Variants in MTMR3 observed in about 807,000 individuals in gnomAD.
The protein encoded by MTMR3 is phosphatidylinositol-3,5-bisphosphate 3-phosphatase MTMR3.
MTMR3 carries 32 observed loss-of-function variants against 132.4 expected under a neutral mutation model. The observed-to-expected ratio is 0.24, with a 90% CI of 0.18 to 0.32. MTMR3 has a LOEUF of 0.32. Ranked by LOEUF, MTMR3 falls within the 10% of genes least tolerant of loss-of-function variation. The probability of loss-of-function intolerance (pLI) is 1.00; values close to 1 mark genes in which losing one functional copy is unlikely to be tolerated. For synonymous variants in MTMR3, 556 were observed against 550.3 expected, an observed-to-expected ratio of 1.01 and a Z score of -0.14; for missense variants, 1,216 against 1,489.6, an observed-to-expected ratio of 0.82 and a Z score of 3.02.
intron 1 of MTMR3, among the ~76,000 whole-genome samples, chr22:29,950,743 A>G (rs537793339): frequency 6.6e-6 from 1 of 152,372 alleles, no homozygotes; most frequent in African/African-American, 2.4e-5. Flanking sequence ...CTATAGTAAA[A>G]TAATGCCTAC....
At chr22:29,920,672 C>CTT (rs140243375) in intron 1 of MTMR3, among the ~76,000 whole-genome samples, 9 of 150,794 alleles carry the variant, frequency 6.0e-5, no homozygotes, top group Admixed American at 1.3e-4. Flanking sequence ...ATGGATAAAG[C>CTT]TTTTTTTTTA....
chr22:29,897,945 AT>A (rs2145719880), intron 1 of MTMR3, among the ~76,000 whole-genome samples: 1 of 152,254 alleles, frequency 6.6e-6, no homozygotes, highest in African/African-American at 2.4e-5. Context: ...ACTTTCTATA[AT>A]TTGAAAAATG....
At chr22:29,923,774 C>T (rs888642692) in intron 1 of MTMR3, among the ~76,000 whole-genome samples, 3 of 152,036 alleles carry the variant, frequency 2.0e-5, no homozygotes, top group Admixed American at 6.6e-5. Context: ...ACCTTAATTA[C>T]GTCTTACAGG....
chr22:29,898,969 T>C (rs1209263018), intron 1 of MTMR3, among the ~76,000 whole-genome samples: 2 of 151,980 alleles, frequency 1.3e-5, no homozygotes, highest in African/African-American at 4.8e-5. Flanking sequence ...AGATCTACTT[T>C]ATAAGTGAGT....
At chr22:29,936,051 C>T (rs933982385) in intron 1 of MTMR3, among the ~76,000 whole-genome samples, 3 of 152,096 alleles carry the variant, frequency 2.0e-5, no homozygotes, top group African/African-American at 7.2e-5. Flanking sequence ...TGTGCCCGGC[C>T]TCCATGCCCA....
intron 1 of MTMR3, among the ~76,000 whole-genome samples, chr22:29,890,811 C>A (rs1018502133): frequency 1.3e-5 from 2 of 151,544 alleles, no homozygotes; most frequent in African/African-American, 2.4e-5. Flanking sequence ...GTGGTGTAGA[C>A]CAGTGGTCTT....
At chr22:29,901,169 T>G (rs776896530) in intron 1 of MTMR3, among the ~76,000 whole-genome samples, 3 of 151,988 alleles carry the variant, frequency 2.0e-5, no homozygotes, top group African/African-American at 7.2e-5. Context: ...CTGGAAAAGA[T>G]TGATGTTAAT....
At chr22:29,952,159 A>G (rs1323943830) in intron 1 of MTMR3, among the ~76,000 whole-genome samples, 2 of 152,080 alleles carry the variant, frequency 1.3e-5, no homozygotes, top group Admixed American at 6.6e-5. Context: ...AGGTTTTTTG[A>G]TACAAGAAAT....
intron 11 of MTMR3, 49 bp from the exon 12 acceptor site, chr22:30,008,969 G>C: frequency 7.5e-7 from 1 of 1,333,114 alleles, no homozygotes; most frequent in Non-Finnish European, 1.1e-6. Context: ...TGGCCATGTG[G>C]GCTTTAAGTT....
At chr22:29,896,339 A>T (rs1485627044) in intron 1 of MTMR3, among the ~76,000 whole-genome samples, 1 of 152,122 alleles carries the variant, frequency 6.6e-6, no homozygotes, top group African/African-American at 2.4e-5. Context: ...AAACTTTTTC[A>T]CCTTTCCAGT....
At position 30,027,445 on chromosome 22, in the gene MTMR3, G is replaced by A. The variant is rs2067932683; in HGVS notation, c.*1644G>A. ...GCCCAGAGCATCTGAGCACGTCTCT[G>A]ACTTCCAGTGGCAACACAGTTTGAA... On this transcript the variant is annotated 3_prime_UTR_variant, in exon 20 of 20. Transcript: ENST00000401950. 1 of 152,910 alleles carries A rather than the reference G, an allele frequency of 6.5e-6. No individual in the cohort carries two copies. 9.5% of individuals were successfully genotyped at this position (152,910 alleles called of 1,614,324 possible).
chr22:29,920,413 T>G (rs570084504), intron 1 of MTMR3, among the ~76,000 whole-genome samples: 7 of 152,172 alleles, frequency 4.6e-5, no homozygotes, highest in African/African-American at 4.8e-5. Flanking sequence ...TATGTAAAAC[T>G]AAGCCCACCA....
intron 1 of MTMR3, among the ~76,000 whole-genome samples, chr22:29,915,255 C>T (rs1177553241): frequency 2.6e-5 from 4 of 152,174 alleles, no homozygotes; most frequent in Non-Finnish European, 4.4e-5. Context: ...ATCCCCCAGG[C>T]TACTTTAACA....
chr22:30,009,182 G>T, intron 12 of MTMR3, 53 bp downstream of exon 12: 1 of 1,272,670 alleles, frequency 7.9e-7, no homozygotes, highest in Non-Finnish European at 1.1e-6. Context: ...TAATAAGTTT[G>T]CTTCTTTCCT....
chr22:29,888,363 TC>T (rs2064720188), intron 1 of MTMR3, among the ~76,000 whole-genome samples: 1 of 152,158 alleles, frequency 6.6e-6, no homozygotes, highest in South Asian at 2.1e-4. Context: ...GTTGTTTTTT[TC>T]TTTTGGGTTG....
At chr22:29,916,703 G>A (rs979666850) in intron 1 of MTMR3, among the ~76,000 whole-genome samples, 2 of 152,204 alleles carry the variant, frequency 1.3e-5, no homozygotes, top group Non-Finnish European at 2.9e-5. Context: ...AGGTTTGCAT[G>A]ATAAAGGCTA....
At chr22:29,950,839 T>C (rs1366428068) in intron 1 of MTMR3, among the ~76,000 whole-genome samples, 2 of 152,226 alleles carry the variant, frequency 1.3e-5, no homozygotes, top group Non-Finnish European at 2.9e-5. Context: ...GTTAATGATA[T>C]ATCAGTATAT....
intron 1 of MTMR3, among the ~76,000 whole-genome samples, chr22:29,885,690 T>C (rs1319697692): frequency 6.6e-6 from 1 of 152,154 alleles, no homozygotes; most frequent in Non-Finnish European, 1.5e-5. Flanking sequence ...AGCAATCATT[T>C]GAGACCCGGG....
At chr22:29,933,425 G>A (rs1345827510) in intron 1 of MTMR3, among the ~76,000 whole-genome samples, 1 of 151,938 alleles carries the variant, frequency 6.6e-6, no homozygotes, top group Non-Finnish European at 1.5e-5. Flanking sequence ...ATCACAGTTG[G>A]CAAAATATTT....
Sources: allele counts gnomAD v4.1 joint callset (sites outside exome capture counted in the v4.1 genomes callset), GRCh38; gene constraint gnomAD v4.1.1; transcripts MANE v1.5; gene names NCBI Gene and HGNC (gene_info 2026-07-23, HGNC 2026-07-21).